Variants in SCO1 observed in about 807,000 individuals in gnomAD.
The protein encoded by SCO1 is synthesis of cytochrome C oxidase 1.
In SCO1, 23 loss-of-function variants were observed where a neutral mutation model predicts 34.0. The ratio of observed to expected loss-of-function variants is 0.68; its 90% CI spans 0.49 to 0.96. The LOEUF (loss-of-function observed/expected upper bound fraction) is 0.96. Ranked by LOEUF, SCO1 falls within the 40% of genes least tolerant of loss-of-function variation. The probability of loss-of-function intolerance (pLI) is 0.00; values close to 1 mark genes in which losing one functional copy is unlikely to be tolerated. For missense variants in SCO1, 404 were observed against 381.6 expected (o/e 1.06, Z -0.49); for synonymous variants, 161 against 145.5 (o/e 1.11, Z -0.77).
rs188756607 is a variant in SCO1 at position 10,691,274 on chromosome 17, C to G, written c.655+598G>C. Among the ~76,000 whole-genome samples, 33 of 152,244 alleles carry G rather than the reference C, an allele frequency of 2.2e-4. No homozygotes were observed. In the South Asian group the frequency reaches 2.3e-3, roughly 11 times the overall value. ...TATCTGGGATTATAGGTGTGCACCACCGTGCCTGGCTAATTTTTGTATTTT... is the reference window on the plus strand; with the variant it reads ...TATCTGGGATTATAGGTGTGCACCAGCGTGCCTGGCTAATTTTTGTATTTT... On this transcript the variant is annotated intron_variant, in intron 4 of 5. Coordinates refer to ENST00000255390, the MANE Select transcript of SCO1 (RefSeq NM_004589.4).
intron 5 of SCO1, among the ~76,000 whole-genome samples, chr17:10,684,560 T>G (rs1567573681): frequency 1.3e-5 from 2 of 152,262 alleles, no homozygotes; most frequent in African/African-American, 4.8e-5. Context: ...AATTTAAGTT[T>G]TGCAGGCTGT....
rs577577855 is a variant in SCO1 at position 10,693,694 on chromosome 17, A to T, written c.365-733T>A. ...ACTAAAAGGAAACAGCTTTTTGGAG[A>T]AATGGCTGATACCAGGGTTGCGGCA... On this transcript the variant is annotated intron_variant, in intron 2 of 5. Transcript: ENST00000255390. 2.6e-5 allele frequency among the ~76,000 whole-genome samples: 4 copies of T among 152,234 alleles called. No individual in the cohort carries two copies. The South Asian group carries it at 6.2e-4, about 24-fold the overall frequency.
intron 5 of SCO1, among the ~76,000 whole-genome samples, chr17:10,685,360 C>G (rs968845950): frequency 1.3e-5 from 2 of 152,132 alleles, no homozygotes; most frequent in Non-Finnish European, 2.9e-5. Flanking sequence ...AAATACAACG[C>G]CGACTCTTCA....
chr17:10,687,954 G>A (rs927612357), intron 4 of SCO1, among the ~76,000 whole-genome samples: 1 of 152,168 alleles, frequency 6.6e-6, no homozygotes, highest in African/African-American at 2.4e-5. Flanking sequence ...ATAAATATCT[G>A]TTTTTCATTG....
chr17:10,697,426 C>T lies in SCO1; in HGVS notation c.82G>A (p.Glu28Lys). ...GTCCCCTCGGCTGGGCCCCAAAACT[C>T]GAGTCCGCGAGGCAAGAAGCGCCAA... ...QLWRFLPRGL[E>K]FWGPAEGTAR... The change falls in exon 1 of 6, where the codon GAG becomes AAG. Residue 28 changes from glutamate (E) to lysine (K), a missense_variant. Transcript: ENST00000255390. 2 of 1,611,266 alleles carry T rather than the reference C, an allele frequency of 1.2e-6. No individual in the cohort carries two copies. Among genetic ancestry groups the T allele is most frequent in the Non-Finnish European group, 8.5e-7 (1 of 1,179,040 alleles).
At chr17:10,696,036 G>C (rs2074721126) in intron 1 of SCO1, among the ~76,000 whole-genome samples, 1 of 130,414 alleles carries the variant, frequency 7.7e-6, no homozygotes, top group Non-Finnish European at 1.6e-5. Flanking sequence ...TCATCTCCAG[G>C]GGAAAGTTCC....
At chr17:10,690,526 C>CA (rs1567575153) in intron 4 of SCO1, among the ~76,000 whole-genome samples, 1 of 151,988 alleles carries the variant, frequency 6.6e-6, no homozygotes, top group African/African-American at 2.4e-5. Flanking sequence ...ACCAAAAATA[C>CA]AAAAAAATAA....
Position 10,691,907 on chromosome 17 carries a change from C to T in SCO1, c.620G>A (p.Arg207Lys), listed in dbSNP as rs774730754. ...TPLFISIDPERDTKEAIANYV... is the reference protein window; with the variant it reads ...TPLFISIDPEKDTKEAIANYV... ...ATTTGCGATGGCTTCTTTTGTGTCCCTCTCTGGGTCAATGCTGATGAAAAG... is the reference window on the plus strand; with the variant it reads ...ATTTGCGATGGCTTCTTTTGTGTCCTTCTCTGGGTCAATGCTGATGAAAAG... Residue 207 changes from arginine to lysine, a missense_variant, in exon 4 of 6, where the codon AGG (arginine) becomes AAG (lysine). Physicochemically the swap from Arg to Lys is conservative, Grantham distance 26 (BLOSUM62 2). Coordinates refer to ENST00000255390, the MANE Select transcript of SCO1 (RefSeq NM_004589.4). The T allele has an allele frequency of 1.8e-5, 29 of 1,613,366 alleles. 1 individual carries two copies. The Admixed American group carries it at 4.7e-4, about 26-fold the overall frequency.
chr17:10,694,370 T>C (rs2151457752), intron 2 of SCO1, among the ~76,000 whole-genome samples: 1 of 152,230 alleles, frequency 6.6e-6, no homozygotes, highest in African/African-American at 2.4e-5. Flanking sequence ...CTGAAAGACA[T>C]CAAGTGGCAA....
intron 5 of SCO1, among the ~76,000 whole-genome samples, chr17:10,681,694 A>G (rs2074622895): frequency 6.6e-6 from 1 of 152,204 alleles, no homozygotes; most frequent in South Asian, 2.1e-4. Flanking sequence ...CATGGAATTA[A>G]GTGTTGGTGA....
rs1243078439 is a variant in SCO1, at chr17:10,679,217, G to C, written c.*1902C>G. ...CACGCCTCGGCCTCCCAAAGTGCTG[G>C]GATTACAGGCATAAGCCACTGTGCC... On this transcript the variant is annotated 3_prime_UTR_variant, in exon 6 of 6. Transcript: ENST00000255390. 1 of 152,184 alleles carries C rather than the reference G, an allele frequency of 6.6e-6. No individual in the cohort carries two copies. The highest frequency in any genetic ancestry group is 1.5e-5 in the Non-Finnish European group (1 of 68,098). 9.4% of individuals were successfully genotyped at this position (152,184 alleles called of 1,614,324 possible). A position where few individuals can be genotyped will look rare whatever the true frequency, so the allele number is the denominator to read the frequency against.
intron 5 of SCO1, among the ~76,000 whole-genome samples, chr17:10,684,973 G>C (rs2074645971): frequency 6.6e-6 from 1 of 152,192 alleles, no homozygotes. Context: ...AGGAATCCAA[G>C]TTTCCCTAAT....
At chr17:10,686,887 A>C in intron 4 of SCO1, 45 bp from the exon 5 acceptor site, 1 of 1,265,744 alleles carries the variant, frequency 7.9e-7, no homozygotes. Flanking sequence ...GAAGCCAGTA[A>C]AACAACCATC....
chr17:10,680,341 C>G lies in SCO1; in HGVS notation c.*778G>C, dbSNP rs939319039. On this transcript the variant is annotated 3_prime_UTR_variant, in exon 6 of 6. Coordinates refer to ENST00000255390, the MANE Select transcript of SCO1 (RefSeq NM_004589.4). ...ATGAAAAAGATCACGCTTGTCTGAA[C>G]AGCAAAACTGAGTATGTTTACTTTA... 2 of 152,508 alleles carry G rather than the reference C, an allele frequency of 1.3e-5. No individual in the cohort carries two copies. The highest frequency in any genetic ancestry group is 4.8e-5 in the African/African-American group (2 of 41,462). The allele number at this position is 152,508 out of a possible 1,614,324, so 9.4% of individuals were successfully genotyped here.
rs970580786 is a variant in SCO1 at position 10,686,792 on chromosome 17, G to C, written c.706C>G (p.Gln236Glu). 6.2e-7 allele frequency: 1 copy of C among 1,614,044 alleles called. No homozygotes were observed. The highest frequency in any genetic ancestry group is 1.3e-5 in the African/African-American group (1 of 75,012). Reference protein sequence around the residue: ...GLTGTREEVDQVARAYRVYYS... With the variant: ...GLTGTREEVDEVARAYRVYYS... ...TACACTCTGTATGCTCTGGCCACTTGATCGACCTCTTCTCTCGTGCCAGTC... is the reference window on the plus strand; with the variant it reads ...TACACTCTGTATGCTCTGGCCACTTCATCGACCTCTTCTCTCGTGCCAGTC... The change falls in exon 5 of 6, where the codon CAA (glutamine) becomes GAA (glutamate). Residue 236 changes from glutamine to glutamate, a missense_variant. By Grantham distance (29) the Gln-to-Glu change is conservative. Transcript: ENST00000255390.
intron 5 of SCO1, among the ~76,000 whole-genome samples, chr17:10,686,208 C>T (rs1164679652): frequency 6.6e-6 from 1 of 152,024 alleles, no homozygotes; most frequent in Admixed American, 6.5e-5. Context: ...CACCACTGCA[C>T]TCCAGCCTGG....
At chr17:10,683,108 C>T (rs746504387) in intron 5 of SCO1, among the ~76,000 whole-genome samples, 2 of 152,148 alleles carry the variant, frequency 1.3e-5, no homozygotes, top group African/African-American at 2.4e-5. Flanking sequence ...ATGTCCCTCC[C>T]CCTCTTCACA....
At position 10,689,127 on chromosome 17, in the gene SCO1, A is replaced by AAAAAAG; in HGVS notation, c.656-2286_656-2285insCTTTTT. 2.1e-5 allele frequency among the ~76,000 whole-genome samples: 3 copies of AAAAAAG among 139,914 alleles called. No individual in the cohort carries two copies. In the South Asian group the frequency reaches 6.2e-4, roughly 29 times the overall value. 91.8% of individuals were successfully genotyped at this position (139,914 alleles called of 152,430 possible). On this transcript the variant is annotated intron_variant, in intron 4 of 5. Transcript: ENST00000255390. The stretch of plus-strand genomic sequence containing the variant: ...CGAGACTCCGTCTCAAAAAAAAAAA[A>AAAAAAG]AAAAAAAAGAAAGCAGTTCTGCAGA...
In SCO1 at chr17:10,697,297, T is replaced by C; in HGVS notation, c.211A>G (p.Arg71Gly). ...CLGTRPLSTA[R>G]PPPPWSQKGP... ...TTCTGCGACCACGGGGGTGGCGGCC[T>C]CGCAGTGCTGAGGGGCCGGGTTCCC... Residue 71 changes from arginine to glycine, a missense_variant, in exon 1 of 6, where the codon AGG becomes GGG. Arg to Gly is a moderately radical substitution (Grantham distance 125, BLOSUM62 -2). Transcript: ENST00000255390. The C allele has an allele frequency of 6.4e-7, 1 of 1,566,550 alleles. No homozygotes were observed. Among genetic ancestry groups the C allele is most frequent in the Non-Finnish European group, 8.6e-7 (1 of 1,156,292 alleles).
Sources: gnomAD v4.1 joint callset for allele counts (sites outside exome capture counted in the v4.1 genomes callset) on GRCh38, gnomAD v4.1.1 for gene constraint, MANE v1.5 for transcripts, NCBI Gene and HGNC (gene_info 2026-07-23, HGNC 2026-07-21) for gene names.